Variants in DLGAP1 observed in about 807,000 individuals in gnomAD.
The protein encoded by DLGAP1 is disks large-associated protein 1.
In DLGAP1, 11 loss-of-function variants were observed where a neutral mutation model predicts 90.8. The ratio of observed to expected loss-of-function variants is 0.12; its 90% CI spans 0.08 to 0.20. DLGAP1 has a LOEUF of 0.20. DLGAP1 is among the 10% of genes least tolerant of loss of function. The pLI is 1.00. For missense variants in DLGAP1, 1,050 were observed against 1,333.8 expected (o/e 0.79, Z 3.31); for synonymous variants, 558 against 540.7 (o/e 1.03, Z -0.44).
At chr18:4,176,778 A>T (rs2077115283) in intron 1 of DLGAP1, among the ~76,000 whole-genome samples, 1 of 152,234 alleles carries the variant, frequency 6.6e-6, no homozygotes, top group African/African-American at 2.4e-5. Flanking sequence ...AAGTTGGCCA[A>T]GACAGGACTT....
chr18:3,757,063 T>G (rs187477879), intron 5 of DLGAP1, among the ~76,000 whole-genome samples: 28 of 152,204 alleles, frequency 1.8e-4, no homozygotes, highest in Non-Finnish European at 7.4e-5. Flanking sequence ...GAAGAATAAA[T>G]ATTTCCAAAC....
chr18:3,706,331 A>G (rs2061432508), intron 7 of DLGAP1, among the ~76,000 whole-genome samples: 2 of 152,192 alleles, frequency 1.3e-5, no homozygotes, highest in African/African-American at 4.8e-5. Context: ...TTTGGAAGAT[A>G]CAATAAATGG....
chr18:4,028,856 A>G (rs116236811), intron 2 of DLGAP1, among the ~76,000 whole-genome samples: 1,811 of 152,286 alleles, frequency 0.012, 22 homozygotes, highest in African/African-American at 0.041. Flanking sequence ...GCTAAATGCC[A>G]TCTAACCCTT....
intron 1 of DLGAP1, among the ~76,000 whole-genome samples, chr18:4,219,084 A>G (rs1598645805): frequency 8.0e-6 from 1 of 124,374 alleles, no homozygotes; most frequent in East Asian, 2.2e-4. Flanking sequence ...CATAATGGCT[A>G]TAATAATTTA....
At chr18:4,190,185 G>C (rs1247696944) in intron 1 of DLGAP1, among the ~76,000 whole-genome samples, 1 of 151,858 alleles carries the variant, frequency 6.6e-6, no homozygotes, top group Non-Finnish European at 1.5e-5. Context: ...TCAGTAATGT[G>C]AAAAAAAGAG....
chr18:3,746,854 T>C (rs1346378442), intron 5 of DLGAP1, among the ~76,000 whole-genome samples: 2 of 152,326 alleles, frequency 1.3e-5, no homozygotes, highest in Non-Finnish European at 1.5e-5. Flanking sequence ...AGTGTCCTCT[T>C]AGTAGCATTG....
chr18:4,068,437 C>T (rs1156968379), intron 2 of DLGAP1, among the ~76,000 whole-genome samples: 1 of 151,172 alleles, frequency 6.6e-6, no homozygotes, highest in Non-Finnish European at 1.5e-5. Flanking sequence ...TATATTTTTC[C>T]ATATATTTAC....
At chr18:3,898,189 C>T (rs2071696761) in intron 3 of DLGAP1, among the ~76,000 whole-genome samples, 2 of 152,178 alleles carry the variant, frequency 1.3e-5, no homozygotes, top group Non-Finnish European at 2.9e-5. Flanking sequence ...CCAAAATGCT[C>T]CAATGAGAAT....
intron 5 of DLGAP1, among the ~76,000 whole-genome samples, chr18:3,756,968 A>G (rs1404879812): frequency 1.3e-5 from 2 of 152,370 alleles, no homozygotes; most frequent in East Asian, 3.9e-4. Context: ...ATAATAGTTC[A>G]GGCTCAGATC....
At chr18:3,831,722 T>C (rs1402945291) in intron 4 of DLGAP1, among the ~76,000 whole-genome samples, 4 of 152,316 alleles carry the variant, frequency 2.6e-5, no homozygotes, top group Admixed American at 1.3e-4. Flanking sequence ...CTTTGGCCCA[T>C]TGCACTTTCC....
intron 1 of DLGAP1, among the ~76,000 whole-genome samples, chr18:4,436,594 A>T (rs2083403718): frequency 6.9e-6 from 1 of 144,846 alleles, no homozygotes; most frequent in Non-Finnish European, 1.5e-5. Context: ...AGAGATGGAT[A>T]CTGAGGTGGT....
intron 2 of DLGAP1, among the ~76,000 whole-genome samples, chr18:4,053,921 C>G (rs944493814): frequency 6.6e-6 from 1 of 152,060 alleles, no homozygotes; most frequent in Non-Finnish European, 1.5e-5. Context: ...TGCAGATAAA[C>G]CTTAACAGTT....
intron 3 of DLGAP1, among the ~76,000 whole-genome samples, chr18:3,960,424 A>G (rs1392931098): frequency 6.6e-6 from 1 of 151,180 alleles, no homozygotes; most frequent in Non-Finnish European, 1.5e-5. Flanking sequence ...TTAGCCAGGC[A>G]TGGTGGCCTG....
chr18:3,825,153 G>T (rs1034515276), intron 4 of DLGAP1, among the ~76,000 whole-genome samples: 2 of 152,200 alleles, frequency 1.3e-5, no homozygotes, highest in African/African-American at 4.8e-5. Context: ...CTAGCTCAAG[G>T]TCCATTGAAA....
chr18:4,051,906 G>A lies in DLGAP1; in HGVS notation c.-158-46705C>T, dbSNP rs73380584. Among the ~76,000 whole-genome samples the A allele has an allele frequency of 4.3e-3, 662 of 152,292 alleles. 5 individuals carry two copies. Among genetic ancestry groups the A allele is most frequent in the African/African-American group, 0.015 (631 of 41,552 alleles). ...AACAGAGGGGCTATAGGCACCATGCGAGTCTGAAATCCAATAGGTCAGTCA... is the reference window on the plus strand; with the variant it reads ...AACAGAGGGGCTATAGGCACCATGCAAGTCTGAAATCCAATAGGTCAGTCA... On this transcript the variant is annotated intron_variant, in intron 2 of 12. Transcript: ENST00000315677.
chr18:3,833,199 TTCCTTCCTTCCTTCC>T (rs2068155096), intron 4 of DLGAP1, among the ~76,000 whole-genome samples: 7 of 93,274 alleles, frequency 7.5e-5, no homozygotes, highest in African/African-American at 3.0e-4. Context: ...CCTTCCTTCC[TTCCTTCCTTCCTTCC>T]TTCCTTCCTT....
At chr18:3,595,111 T>C (rs1264985572) in intron 7 of DLGAP1, among the ~76,000 whole-genome samples, 1 of 152,198 alleles carries the variant, frequency 6.6e-6, no homozygotes, top group Non-Finnish European at 1.5e-5. Flanking sequence ...TGCAGCTCTC[T>C]CTGCGTTAGA....
intron 9 of DLGAP1, among the ~76,000 whole-genome samples, chr18:3,566,836 G>T (rs2054452026): frequency 6.6e-6 from 1 of 151,750 alleles, no homozygotes; most frequent in African/African-American, 2.4e-5. Context: ...ATAAAACATG[G>T]TTCTACCCAC....
chr18:3,641,586 T>TATATAC (rs377536387), intron 7 of DLGAP1, among the ~76,000 whole-genome samples: 108 of 135,490 alleles, frequency 8.0e-4, no homozygotes, highest in African/African-American at 2.9e-3. Flanking sequence ...CATATATATA[T>TATATAC]ACACACACAC....
Sources: allele counts gnomAD v4.1 joint callset (sites outside exome capture counted in the v4.1 genomes callset), GRCh38; gene constraint gnomAD v4.1.1; transcripts MANE v1.5; gene names NCBI Gene and HGNC (gene_info 2026-07-23, HGNC 2026-07-21).